TMEM232: variants seen among roughly 807,000 people sequenced by gnomAD.
The protein encoded by TMEM232 is transmembrane protein 232.
A neutral mutation model predicts 78.8 loss-of-function variants in TMEM232; 80 were observed. The observed-to-expected ratio is 1.01, with a 90% CI of 0.85 to 1.22. The LOEUF (loss-of-function observed/expected upper bound fraction) is 1.22, where lower values mean the gene tolerates loss of function less well. TMEM232 is among the 50% of genes most tolerant of loss of function. The pLI, the probability that TMEM232 is intolerant of heterozygous loss-of-function variation, is 0.00. For missense variants in TMEM232, 881 were observed against 742.2 expected (o/e 1.19, Z -2.17); for synonymous variants, 297 against 254.3 (o/e 1.17, Z -1.60).
At chr5:110,693,636 CACA>C (rs1183470370) in intron 1 of TMEM232, among the ~76,000 whole-genome samples, 3 of 152,122 alleles carry the variant, frequency 2.0e-5, no homozygotes, top group African/African-American at 4.8e-5. Context: ...AAAACCACGG[CACA>C]ACAACTACGT....
At chr5:110,689,690 C>T (rs1793856817) in intron 1 of TMEM232, among the ~76,000 whole-genome samples, 1 of 152,086 alleles carries the variant, frequency 6.6e-6, no homozygotes, top group African/African-American at 2.4e-5. Flanking sequence ...CAATCCTAAG[C>T]AAAAAGAACA....
chr5:110,409,326 A>T (rs538035056), intron 2 of TMEM232, among the ~76,000 whole-genome samples: 5 of 152,222 alleles, frequency 3.3e-5, no homozygotes, highest in African/African-American at 1.2e-4. Context: ...GGAGCCAACA[A>T]TGCACACAAC....
At chr5:110,584,180 C>A (rs1778531055) in intron 10 of TMEM232, among the ~76,000 whole-genome samples, 1 of 151,706 alleles carries the variant, frequency 6.6e-6, no homozygotes. Context: ...ATCAGGATCT[C>A]AAAGAGATAT....
intron 2 of TMEM232, among the ~76,000 whole-genome samples, chr5:110,647,778 T>C (rs1474439114): frequency 2.6e-5 from 4 of 151,964 alleles, no homozygotes; most frequent in Non-Finnish European, 4.4e-5. Context: ...TGCTAACCAA[T>C]GCAGTAATAG....
rs541692768 is a variant in TMEM232 at position 110,617,362 on chromosome 5, G to C, written c.902+1067C>G. 2.7e-5 allele frequency among the ~76,000 whole-genome samples: 4 copies of C among 149,264 alleles called. No individual in the cohort carries two copies. The East Asian group carries it at 7.8e-4, about 29-fold the overall frequency. On this transcript the variant is annotated intron_variant, in intron 8 of 13. Coordinates refer to ENST00000455884, the MANE Select transcript of TMEM232 (RefSeq NM_001039763.4). ...ATGAGTTCTAGTGATCTATTGTGCA[G>C]CATTGTGACTATGGTAAAAAAAATA...
rs185757228 is a variant in TMEM232, at chr5:110,526,273, A to T, written c.1703+2315T>A. 6.7e-3 allele frequency among the ~76,000 whole-genome samples: 985 copies of T among 148,088 alleles called. 16 individuals are homozygous for T. The highest frequency in any genetic ancestry group is 0.023 in the African/African-American group (919 of 40,790). On this transcript the variant is annotated intron_variant, in intron 12 of 13. Transcript: ENST00000455884. The stretch of plus-strand genomic sequence containing the variant: ...GCAAAAAAATGCTATAAGCAAAATT[A>T]AAAAAAAAAGATGAGAAACAATAAG...
intron 12 of TMEM232, among the ~76,000 whole-genome samples, chr5:110,471,581 A>G (rs1286693699): frequency 6.6e-6 from 1 of 151,904 alleles, no homozygotes; most frequent in Non-Finnish European, 1.5e-5. Flanking sequence ...TGTGTAGTCC[A>G]GGAGAGAATG....
intron 1 of TMEM232, among the ~76,000 whole-genome samples, chr5:110,672,626 TC>T (rs1223542817): frequency 6.6e-6 from 1 of 151,966 alleles, no homozygotes; most frequent in African/African-American, 2.4e-5. Flanking sequence ...TGGAATTAAA[TC>T]CCCAATAAAG....
chr5:110,475,024 A>C (rs1486371483), intron 12 of TMEM232, among the ~76,000 whole-genome samples: 2 of 151,956 alleles, frequency 1.3e-5, no homozygotes, highest in Non-Finnish European at 2.9e-5. Flanking sequence ...TATTTGTGTA[A>C]AAATTCAAAA....
At chr5:110,439,158 T>C (rs1321752243) in intron 12 of TMEM232, among the ~76,000 whole-genome samples, 1 of 152,078 alleles carries the variant, frequency 6.6e-6, no homozygotes, top group South Asian at 2.1e-4. Context: ...TACAGCTGCC[T>C]ATAAAGCACA....
chr5:110,399,117 C>G (rs1314159793), intron 2 of TMEM232, among the ~76,000 whole-genome samples: 2 of 151,630 alleles, frequency 1.3e-5, no homozygotes, highest in Non-Finnish European at 2.9e-5. Flanking sequence ...CCCTGAATGA[C>G]ACACCATCTA....
chr5:110,635,209 GA>G (rs796788597), intron 5 of TMEM232, among the ~76,000 whole-genome samples: 6 of 151,802 alleles, frequency 4.0e-5, no homozygotes, highest in African/African-American at 1.4e-4. Flanking sequence ...CCCCAAAAAA[GA>G]AAAGTCCAGT....
At chr5:110,669,732 A>G (rs181520205) in intron 1 of TMEM232, among the ~76,000 whole-genome samples, 1 of 152,342 alleles carries the variant, frequency 6.6e-6, no homozygotes, top group Non-Finnish European at 1.5e-5. Context: ...GAAATCCTCA[A>G]TAAAGTACTG....
At chr5:110,695,664 C>T (rs1173689123) in intron 1 of TMEM232, among the ~76,000 whole-genome samples, 3 of 152,162 alleles carry the variant, frequency 2.0e-5, no homozygotes, top group African/African-American at 7.2e-5. Context: ...TCAGAGAATA[C>T]TATAAACACC....
At chr5:110,487,132 A>G (rs1160474036) in intron 12 of TMEM232, among the ~76,000 whole-genome samples, 1 of 152,108 alleles carries the variant, frequency 6.6e-6, no homozygotes, top group Non-Finnish European at 1.5e-5. Flanking sequence ...GGTGTACAGA[A>G]GAGCTACTGA....
intron 12 of TMEM232, among the ~76,000 whole-genome samples, chr5:110,518,646 A>C (rs1449495045): frequency 6.6e-6 from 1 of 152,126 alleles, no homozygotes; most frequent in African/African-American, 2.4e-5. Context: ...CGATTTCAAA[A>C]CTCAAGCATT....
chr5:110,604,689 T>G (rs541107467), intron 10 of TMEM232, among the ~76,000 whole-genome samples: 75 of 152,290 alleles, frequency 4.9e-4, no homozygotes, highest in Middle Eastern at 3.4e-3. Context: ...CTGGGCGCAG[T>G]GGTTCACGAA....
At chr5:110,711,190 G>A (rs1278087305) in intron 1 of TMEM232, among the ~76,000 whole-genome samples, 1 of 151,952 alleles carries the variant, frequency 6.6e-6, no homozygotes, top group Non-Finnish European at 1.5e-5. Context: ...TAAATACCTA[G>A]GTATTAACCA....
chr5:110,437,348 G>C (rs933555526), intron 12 of TMEM232, among the ~76,000 whole-genome samples: 74 of 151,884 alleles, frequency 4.9e-4, no homozygotes, highest in African/African-American at 1.7e-3. Flanking sequence ...AACATACAGT[G>C]TAATTTTATT....
Sources: allele counts gnomAD v4.1 joint callset (sites outside exome capture counted in the v4.1 genomes callset), GRCh38; gene constraint gnomAD v4.1.1; transcripts MANE v1.5; gene names NCBI Gene and HGNC (gene_info 2026-07-23, HGNC 2026-07-21).